RYR2: variants seen among roughly 807,000 people sequenced by gnomAD.
RYR2 encodes the protein ryanodine receptor 2.
In RYR2, 227 loss-of-function variants were observed where a neutral mutation model predicts 601.1. The observed-to-expected ratio is 0.38, with a 90% CI of 0.34 to 0.42. The LOEUF is 0.42. RYR2 is among the 10% of genes least tolerant of loss of function. The pLI is 1.00. For synonymous variants in RYR2, 2,223 were observed against 2,175.1 expected (o/e 1.02, Z -0.61); for missense variants, 4,646 against 6,156.5 (o/e 0.75, Z 8.21).
intron 44 of RYR2, among the ~76,000 whole-genome samples, chr1:237,635,286 T>C (rs1183270964): frequency 1.3e-5 from 2 of 152,170 alleles, no homozygotes; most frequent in Non-Finnish European, 2.9e-5. Context: ...TTTGAAAAAA[T>C]GAATTTTCTC....
intron 17 of RYR2, among the ~76,000 whole-genome samples, chr1:237,488,834 G>A (rs1478388129): frequency 6.6e-6 from 1 of 152,152 alleles, no homozygotes; most frequent in Non-Finnish European, 1.5e-5. Context: ...CTGCACTCAG[G>A]TGAAATAAAC....
At chr1:237,148,563 C>CATATATATATATATATATAAACACACAT (rs142304279) in intron 1 of RYR2, among the ~76,000 whole-genome samples, 3 of 82,378 alleles carry the variant, frequency 3.6e-5, no homozygotes, top group African/African-American at 1.2e-4. Context: ...TACACACACA[C>CATATATATATATATATATAAACACACAT]ATATATATAT....
chr1:237,488,540 A>G (rs900941930), intron 17 of RYR2, among the ~76,000 whole-genome samples: 1 of 152,174 alleles, frequency 6.6e-6, no homozygotes, highest in African/African-American at 2.4e-5. Context: ...TTGAGCCCAA[A>G]GGCTGGATGT....
chr1:237,280,323 C>T (rs1051870862), intron 2 of RYR2, among the ~76,000 whole-genome samples: 1 of 152,084 alleles, frequency 6.6e-6, no homozygotes, highest in Admixed American at 6.6e-5. Context: ...TTGACGATTT[C>T]TCTAAAAATT....
intron 13 of RYR2, among the ~76,000 whole-genome samples, chr1:237,441,850 C>G (rs1707932217): frequency 6.6e-6 from 1 of 151,230 alleles, no homozygotes; most frequent in Admixed American, 6.6e-5. Flanking sequence ...CAGAAGCCAA[C>G]AAGCCAGAAA....
chr1:237,778,818 C>A, intron 88 of RYR2, 48 bp downstream of exon 88: 1 of 880,332 alleles, frequency 1.1e-6, no homozygotes, highest in Non-Finnish European at 1.9e-6. Flanking sequence ...AAACTGGAGA[C>A]TGTAATCATC....
At chr1:237,702,926 T>C (rs1688082049) in intron 66 of RYR2, among the ~76,000 whole-genome samples, 1 of 152,058 alleles carries the variant, frequency 6.6e-6, no homozygotes, top group African/African-American at 2.4e-5. Flanking sequence ...TCTGAACATT[T>C]TACATTTCTT....
intron 73 of RYR2, among the ~76,000 whole-genome samples, chr1:237,719,667 C>T (rs904571162): frequency 4.7e-4 from 72 of 152,210 alleles, no homozygotes; most frequent in African/African-American, 1.6e-3. Context: ...CACCAGGCCC[C>T]GCCTCCAACA....
At chr1:237,048,636 C>T (rs541384494) in intron 1 of RYR2, among the ~76,000 whole-genome samples, 3 of 152,070 alleles carry the variant, frequency 2.0e-5, no homozygotes, top group African/African-American at 4.8e-5. Flanking sequence ...TAACCAATTC[C>T]GATTTTACCT....
At chr1:237,231,248 TC>T (rs1274456216) in intron 1 of RYR2, among the ~76,000 whole-genome samples, 1 of 152,090 alleles carries the variant, frequency 6.6e-6, no homozygotes, top group Non-Finnish European at 1.5e-5. Flanking sequence ...TTTTAGAACT[TC>T]CTCAACACAT....
At chr1:237,565,851 A>G (rs940365093) in intron 27 of RYR2, among the ~76,000 whole-genome samples, 2 of 151,812 alleles carry the variant, frequency 1.3e-5, no homozygotes, top group Non-Finnish European at 2.9e-5. Flanking sequence ...GTCTCTCTCA[A>G]TCTCACCTGC....
At chr1:237,107,612 T>C (rs746626156) in intron 1 of RYR2, among the ~76,000 whole-genome samples, 1 of 151,930 alleles carries the variant, frequency 6.6e-6, no homozygotes, top group African/African-American at 2.4e-5. Flanking sequence ...TGCTCTATTA[T>C]AGGTAATAGA....
chr1:237,385,484 C>A (rs1483631476), intron 8 of RYR2, among the ~76,000 whole-genome samples: 1 of 152,154 alleles, frequency 6.6e-6, no homozygotes, highest in Non-Finnish European at 1.5e-5. Context: ...ATTACAAGCA[C>A]CCTTGGGGTG....
intron 24 of RYR2, among the ~76,000 whole-genome samples, chr1:237,514,227 A>G (rs1435791349): frequency 2.0e-5 from 3 of 152,240 alleles, no homozygotes; most frequent in Admixed American, 6.5e-5. Flanking sequence ...TGCATTCCCT[A>G]TTATTTTAGC....
At chr1:237,393,617 CT>C (rs1267772111) in intron 10 of RYR2, among the ~76,000 whole-genome samples, 1 of 152,142 alleles carries the variant, frequency 6.6e-6, no homozygotes, top group Admixed American at 6.5e-5. Flanking sequence ...GGTTTTTCTT[CT>C]TTTTCTCTGT....
intron 1 of RYR2, among the ~76,000 whole-genome samples, chr1:237,146,682 C>A (rs2148789314): frequency 6.6e-6 from 1 of 152,178 alleles, no homozygotes; most frequent in East Asian, 1.9e-4. Flanking sequence ...GAGAGTTGGG[C>A]TTTTTTGAAT....
intron 4 of RYR2, 132 bp from the exon 5 acceptor site, chr1:237,364,222 ATGTT>A: frequency 1.5e-6 from 1 of 670,784 alleles, no homozygotes; most frequent in Non-Finnish European, 2.3e-6. Flanking sequence ...AACATGGTGA[ATGTT>A]TTTTTTTATG....
intron 1 of RYR2, among the ~76,000 whole-genome samples, chr1:237,226,187 GGC>G (rs1684345520): frequency 6.6e-6 from 1 of 152,196 alleles, no homozygotes; most frequent in Non-Finnish European, 1.5e-5. Context: ...ACGGTTTTAT[GGC>G]TCAGTGGGAA....
intron 14 of RYR2, among the ~76,000 whole-genome samples, chr1:237,454,137 C>T (rs759899726): frequency 6.6e-6 from 1 of 152,134 alleles, no homozygotes; most frequent in Non-Finnish European, 1.5e-5. Flanking sequence ...GTTTTGTAGA[C>T]ACTGTTCCTG....
Sources: allele counts gnomAD v4.1 joint callset (sites outside exome capture counted in the v4.1 genomes callset), GRCh38; gene constraint gnomAD v4.1.1; transcripts MANE v1.5; gene names NCBI Gene and HGNC (gene_info 2026-07-23, HGNC 2026-07-21).